RAPGEF6: variants seen among roughly 807,000 people sequenced by gnomAD.
RAPGEF6 encodes Rap guanine nucleotide exchange factor 6.
In RAPGEF6, 56 loss-of-function variants were observed where a neutral mutation model predicts 171.4. The observed-to-expected ratio is 0.33, with a 90% CI of 0.26 to 0.41. The LOEUF (loss-of-function observed/expected upper bound fraction) is 0.41, where lower values mean the gene tolerates loss of function less well. RAPGEF6 is among the 10% of genes least tolerant of loss of function. RAPGEF6 has a pLI of 1.00. For synonymous variants in RAPGEF6, 692 were observed against 650.1 expected, an observed-to-expected ratio of 1.06 and a Z score of -0.98; for missense variants, 1,674 against 1,921.4, an observed-to-expected ratio of 0.87 and a Z score of 2.41.
chr5:131,444,986 T>A (rs1310436566), intron 22 of RAPGEF6, among the ~76,000 whole-genome samples: 1 of 152,248 alleles, frequency 6.6e-6, no homozygotes, highest in African/African-American at 2.4e-5. Flanking sequence ...AAGCTCTCAA[T>A]AACTGTTAGC....
chr5:131,529,723 C>A (rs1759238275), intron 6 of RAPGEF6, among the ~76,000 whole-genome samples: 1 of 151,936 alleles, frequency 6.6e-6, no homozygotes, highest in Non-Finnish European at 1.5e-5. Context: ...CCAGCTTGGG[C>A]AAGATGGAGA....
intron 5 of RAPGEF6, among the ~76,000 whole-genome samples, chr5:131,551,463 G>A (rs1271981132): frequency 1.4e-5 from 2 of 146,072 alleles, no homozygotes; most frequent in South Asian, 2.1e-4. Flanking sequence ...AGTGAGCAGA[G>A]ATCGTGTCAC....
intron 13 of RAPGEF6, 150 bp downstream of exon 13, chr5:131,495,403 A>T: frequency 4.2e-6 from 2 of 472,244 alleles, no homozygotes; most frequent in Non-Finnish European, 7.4e-6. Context: ...GCAGAGAATA[A>T]ATGAACAAAA....
chr5:131,452,656 C>G (rs1382278383), intron 21 of RAPGEF6, among the ~76,000 whole-genome samples: 1 of 145,176 alleles, frequency 6.9e-6, no homozygotes, highest in Non-Finnish European at 1.5e-5. Flanking sequence ...TTAGTAGAGA[C>G]AGGGTTTCAC....
rs187841853 is a variant in RAPGEF6 at position 131,503,668 on chromosome 5, G to A, written c.1254+958C>T. 5.2e-3 allele frequency among the ~76,000 whole-genome samples: 793 copies of A among 152,248 alleles called. 6 individuals carry two copies. Among genetic ancestry groups the A allele is most frequent in the African/African-American group, 0.018 (754 of 41,540 alleles). ...CAAGACTAGCTTGAAAAGAGAAACA[G>A]TTATGTGTTTATTTCCCCTCTTTCA... On this transcript the variant is annotated intron_variant, in intron 11 of 27. Coordinates refer to ENST00000509018, the MANE Select transcript of RAPGEF6 (RefSeq NM_016340.6).
Position 131,425,718 on chromosome 5 carries a change from G to A in RAPGEF6, c.*1548C>T, listed in dbSNP as rs1317856586. The A allele has an allele frequency of 6.6e-6, 1 of 152,086 alleles. No homozygotes were observed. The highest frequency in any genetic ancestry group is 1.5e-5 in the Non-Finnish European group (1 of 67,994). The allele number at this position is 152,086 out of a possible 1,614,324, so 9.4% of individuals were successfully genotyped here. ...TGATTCATGATTTTAAAATGAAGGG[G>A]GATATGCAGGAAGACAGACAGCAGA... On this transcript the variant is annotated 3_prime_UTR_variant, in exon 28 of 28. Coordinates refer to ENST00000509018, the MANE Select transcript of RAPGEF6 (RefSeq NM_016340.6).
intron 20 of RAPGEF6, 141 bp from the exon 21 acceptor site, chr5:131,453,318 C>G (rs1296521492): frequency 1.7e-5 from 23 of 1,374,406 alleles, no homozygotes; most frequent in African/African-American, 7.3e-5. Flanking sequence ...AACTGGTATA[C>G]CCATACATGG....
At chr5:131,439,043 C>G (rs774486427) in intron 24 of RAPGEF6, among the ~76,000 whole-genome samples, 3 of 152,132 alleles carry the variant, frequency 2.0e-5, no homozygotes, top group Non-Finnish European at 4.4e-5. Flanking sequence ...TCACCTCAGT[C>G]TCCCGGGTAG....
At chr5:131,462,772 G>A (rs1463527821) in intron 18 of RAPGEF6, among the ~76,000 whole-genome samples, 1 of 152,166 alleles carries the variant, frequency 6.6e-6, no homozygotes, top group African/African-American at 2.4e-5. Flanking sequence ...AGGAAACGAG[G>A]TAATGTATCA....
rs956249027 is a variant in RAPGEF6 at position 131,479,253 on chromosome 5, T to A, written c.2081+260A>T. Among the ~76,000 whole-genome samples, 15 of 151,688 alleles carry A rather than the reference T, an allele frequency of 9.9e-5. 1 individual carries two copies. The South Asian group carries it at 2.5e-3, about 25-fold the overall frequency. On this transcript the variant is annotated intron_variant, in intron 16 of 27. Coordinates refer to ENST00000509018, the MANE Select transcript of RAPGEF6 (RefSeq NM_016340.6). ...GGAGACTAAAAGTGGACCAAAAATA[T>A]TTAAAAATGGATTTCATAAAATAAA... is the stretch of plus-strand genomic sequence containing the variant.
At chr5:131,610,143 AG>A (rs1764854365) in intron 1 of RAPGEF6, among the ~76,000 whole-genome samples, 1 of 152,258 alleles carries the variant, frequency 6.6e-6, no homozygotes, top group Non-Finnish European at 1.5e-5. Flanking sequence ...TGTATACAGC[AG>A]GAAGAACAGA....
chr5:131,429,187 C>A lies in RAPGEF6; in HGVS notation c.4495G>T (p.Asp1499Tyr). ...VYCVTSPKKD[D>Y]RYREPPPTPP... The stretch of plus-strand genomic sequence containing the variant: ...GTGGGAGGTGGCTCCCTATACCTAT[C>A]GTCCTTCTTGGGTGAGGTGACACAG... The change falls in exon 27 of 28, where the codon GAT becomes TAT. Residue 1499 changes from aspartate (D) to tyrosine (Y), a missense_variant. Coordinates refer to ENST00000509018, the MANE Select transcript of RAPGEF6 (RefSeq NM_016340.6). The A allele has an allele frequency of 6.2e-7, 1 of 1,612,354 alleles. No individual in the cohort carries two copies. The highest frequency in any genetic ancestry group is 8.5e-7 in the Non-Finnish European group (1 of 1,178,694).
At chr5:131,628,646 GAGAGGAGAA>G (rs1333576161) in intron 1 of RAPGEF6, among the ~76,000 whole-genome samples, 2 of 152,182 alleles carry the variant, frequency 1.3e-5, no homozygotes, top group African/African-American at 2.4e-5. Flanking sequence ...TCCATAACTA[GAGAGGAGAA>G]ATCAATGCCT....
intron 16 of RAPGEF6, chr5:131,473,057 T>C (rs1297837857): frequency 3.7e-6 from 1 of 267,098 alleles, no homozygotes; most frequent in Non-Finnish European, 7.2e-6. Flanking sequence ...CCCTTCAAAT[T>C]TGCCAGTTTT....
chr5:131,620,149 T>C (rs564387932), intron 1 of RAPGEF6, among the ~76,000 whole-genome samples: 12 of 152,322 alleles, frequency 7.9e-5, no homozygotes, highest in African/African-American at 2.6e-4. Flanking sequence ...GTCTCCTTCA[T>C]AGGTTTCTCA....
chr5:131,538,681 T>G lies in RAPGEF6; in HGVS notation c.495+9366A>C, dbSNP rs538853682. Among the ~76,000 whole-genome samples the G allele has an allele frequency of 2.0e-5, 3 of 152,272 alleles. No individual in the cohort carries two copies. In the East Asian group the frequency reaches 5.8e-4, roughly 29 times the overall value. The stretch of plus-strand genomic sequence containing the variant: ...AGGGACCATGGTACATTAAAAAAAT[T>G]TTAAGTGACAGTAGCTATCTCCAGT... On this transcript the variant is annotated intron_variant, in intron 6 of 27. Coordinates refer to ENST00000509018, the MANE Select transcript of RAPGEF6 (RefSeq NM_016340.6).
intron 4 of RAPGEF6, among the ~76,000 whole-genome samples, chr5:131,576,015 C>A (rs1285703262): frequency 6.6e-6 from 1 of 152,124 alleles, no homozygotes. Flanking sequence ...TACTTTCTGC[C>A]CGACTCCTTC....
At chr5:131,575,881 C>T (rs1011546847) in intron 4 of RAPGEF6, among the ~76,000 whole-genome samples, 7 of 152,162 alleles carry the variant, frequency 4.6e-5, no homozygotes, top group African/African-American at 7.2e-5. Flanking sequence ...CTCATGTCTA[C>T]GTGCAGTGGC....
chr5:131,440,753 A>G (rs1200723039), intron 23 of RAPGEF6, among the ~76,000 whole-genome samples: 3 of 151,310 alleles, frequency 2.0e-5, no homozygotes, highest in Non-Finnish European at 4.4e-5. Flanking sequence ...AAAAAAAAAA[A>G]AAAAAAAAGA....
Sources: allele counts gnomAD v4.1 joint callset (sites outside exome capture counted in the v4.1 genomes callset), GRCh38; gene constraint gnomAD v4.1.1; transcripts MANE v1.5; gene names NCBI Gene and HGNC (gene_info 2026-07-23, HGNC 2026-07-21).